RAB3A: variants seen among roughly 807,000 people sequenced by gnomAD.
The protein encoded by RAB3A is RAB3A, member RAS oncogene family, also known as ras-related protein Rab-3A.
In RAB3A, 5 loss-of-function variants were observed where a neutral mutation model predicts 19.7. The observed-to-expected ratio is 0.25, with a 90% CI of 0.13 to 0.53. The LOEUF (loss-of-function observed/expected upper bound fraction) is 0.53, where lower values mean the gene tolerates loss of function less well. Among genes scored for constraint, RAB3A ranks in the 20% least tolerant of loss-of-function variants. The pLI, the probability that RAB3A is intolerant of heterozygous loss-of-function variation, is 0.95. For missense variants in RAB3A, 189 were observed against 305.6 expected (o/e 0.62, Z 2.85); for synonymous variants, 119 against 122.1 (o/e 0.97, Z 0.17).
intron 1 of RAB3A, among the ~76,000 whole-genome samples, chr19:18,203,166 C>T (rs1188955246): frequency 6.6e-6 from 1 of 152,200 alleles, no homozygotes; most frequent in Non-Finnish European, 1.5e-5. Context: ...GCCCCCGCTC[C>T]CCGCAAACCT....
intron 3 of RAB3A, 78 bp from the exon 4 acceptor site, chr19:18,198,927 T>C: frequency 1.3e-6 from 2 of 1,523,412 alleles, no homozygotes; most frequent in Non-Finnish European, 1.8e-6. Flanking sequence ...GTGGAGCCTG[T>C]GTCCTTGTCC....
chr19:18,198,679 G>C (rs373549225), intron 4 of RAB3A, 46 bp downstream of exon 4: 238 of 1,610,102 alleles, frequency 1.5e-4, no homozygotes, highest in Non-Finnish European at 2.0e-4. Flanking sequence ...CTCTCTTAGT[G>C]TCCTTTTTCT....
Position 18,197,240 on chromosome 19 carries a change from G to A in RAB3A, c.*230C>T, listed in dbSNP as rs964396354. Reference sequence around the variant, plus strand: ...GCCACGAGACACCACAGCTGAGTGGGGAAAGGGCTATATGTACAGGAGGGG... The same window carrying A: ...GCCACGAGACACCACAGCTGAGTGGAGAAAGGGCTATATGTACAGGAGGGG... On this transcript the variant is annotated 3_prime_UTR_variant, in exon 5 of 5. Coordinates refer to ENST00000222256, the MANE Select transcript of RAB3A (RefSeq NM_002866.5). 1 of 500,222 alleles carries A rather than the reference G, an allele frequency of 2.0e-6. No homozygotes were observed. Among genetic ancestry groups the A allele is most frequent in the Non-Finnish European group, 3.5e-6 (1 of 286,290 alleles). 31.0% of individuals were successfully genotyped at this position (500,222 alleles called of 1,614,324 possible). A position where few individuals can be genotyped will look rare whatever the true frequency, so the allele number is the denominator to read the frequency against.
Position 18,198,926 on chromosome 19 carries a change from G to C in RAB3A, c.348-77C>G, listed in dbSNP as rs1490349555. The stretch of plus-strand genomic sequence containing the variant: ...ACCCTGACGGGCTGATGTGGAGCCT[G>C]TGTCCTTGTCCGAGGAAGAAAGACC... On this transcript the variant is annotated intron_variant, in intron 3 of 4. Transcript: ENST00000222256. 1.2e-5 allele frequency: 18 copies of C among 1,539,258 alleles called. No individual in the cohort carries two copies. The Admixed American group carries it at 3.3e-4, about 28-fold the overall frequency.
At chr19:18,201,434 A>C (rs1967609946) in intron 2 of RAB3A, among the ~76,000 whole-genome samples, 1 of 151,164 alleles carries the variant, frequency 6.6e-6, no homozygotes, top group African/African-American at 2.4e-5. Flanking sequence ...ATACAAAAAA[A>C]AATTAGCTGG....
chr19:18,202,968 GACACCCC>G lies in RAB3A; in HGVS notation c.1-235_1-229del. ...AGGGGCTCAGAGGGTTGCCGATGGGGACACCCCAGCAGCCCCCTTCAAGGGGCAGGTG... is the reference window on the plus strand; with the variant it reads ...AGGGGCTCAGAGGGTTGCCGATGGGGAGCAGCCCCCTTCAAGGGGCAGGTG... On this transcript the variant is annotated intron_variant, in intron 1 of 4. Coordinates refer to ENST00000222256, the MANE Select transcript of RAB3A (RefSeq NM_002866.5). The surrounding 1 kb of genome is among the most constrained non-coding windows in gnomAD (Gnocchi z 4.2). 1 of 524,602 alleles carries G rather than the reference GACACCCC, an allele frequency of 1.9e-6. No homozygotes were observed. Among genetic ancestry groups the G allele is most frequent in the Middle Eastern group, 5.2e-4 (1 of 1,938 alleles). The allele number at this position is 524,602 out of a possible 1,614,324, so 32.5% of individuals were successfully genotyped here.
intron 2 of RAB3A, 113 bp from the exon 3 acceptor site, chr19:18,200,558 G>T: frequency 2.4e-6 from 2 of 839,244 alleles, no homozygotes; most frequent in Non-Finnish European, 3.8e-6. Flanking sequence ...AGCTTGCCCA[G>T]GGGCACAAAG....
intron 4 of RAB3A, among the ~76,000 whole-genome samples, chr19:18,198,209 C>T (rs1967561061): frequency 6.6e-6 from 1 of 152,148 alleles, no homozygotes; most frequent in South Asian, 2.1e-4. Context: ...CCCTATTGCC[C>T]TCCAAAGAGT....
intron 2 of RAB3A, among the ~76,000 whole-genome samples, chr19:18,201,456 A>G (rs866441457): frequency 3.5e-5 from 5 of 141,026 alleles, no homozygotes; most frequent in African/African-American, 1.1e-4. Flanking sequence ...CTTGGTGGTG[A>G]GCCCCTGTAA....
At chr19:18,198,998 G>A (rs1053137417) in intron 3 of RAB3A, 149 bp from the exon 4 acceptor site, 3 of 1,010,970 alleles carry the variant, frequency 3.0e-6, no homozygotes, top group Non-Finnish European at 4.2e-6. Flanking sequence ...CCCCCAATGT[G>A]CCCCGCTTTC....
At chr19:18,199,672 C>T (rs145217701) in intron 3 of RAB3A, among the ~76,000 whole-genome samples, 172 of 151,986 alleles carry the variant, frequency 1.1e-3, no homozygotes, top group African/African-American at 3.8e-3. Context: ...TACAGGTGTG[C>T]GCCACCACGT....
Position 18,197,197 on chromosome 19 carries a change from G to T in RAB3A, c.*273C>A, listed in dbSNP as rs1331572550. ...GCGGGGGGGGGGGGTTCAGGAGGGT[G>T]AGCGGTGAGTTCACGGGGCCACGAG... On this transcript the variant is annotated 3_prime_UTR_variant, in exon 5 of 5. Coordinates refer to ENST00000222256, the MANE Select transcript of RAB3A (RefSeq NM_002866.5). 9.9e-6 allele frequency: 4 copies of T among 402,822 alleles called. No individual in the cohort carries two copies. The highest frequency in any genetic ancestry group is 1.8e-5 in the Non-Finnish European group (4 of 228,202). The allele number at this position is 402,822 out of a possible 1,614,324, so 25.0% of individuals were successfully genotyped here. A position where few individuals can be genotyped will look rare whatever the true frequency, so the allele number is the denominator to read the frequency against.
chr19:18,200,459 G>C lies in RAB3A; in HGVS notation c.229-14C>G. The C allele has an allele frequency of 1.2e-6, 2 of 1,600,722 alleles. No individual in the cohort carries two copies. Among genetic ancestry groups the C allele is most frequent in the South Asian group, 2.2e-5 (2 of 89,762 alleles). On this transcript the variant is annotated splice_polypyrimidine_tract_variant and intron_variant, in intron 2 of 4. Transcript: ENST00000222256. ...CCCTGCTGTGTCCTAGGGAGGAAGA[G>C]ATGAAGGTCAGAGAGGACCTGCACA...
intron 3 of RAB3A, among the ~76,000 whole-genome samples, chr19:18,200,089 T>C (rs182397268): frequency 2.0e-5 from 3 of 152,162 alleles, no homozygotes; most frequent in Admixed American, 2.0e-4. Flanking sequence ...AAGACCAGCC[T>C]GGGCAACATG....
In RAB3A at chr19:18,202,678, G is replaced by A. The variant is rs767464691; in HGVS notation, c.63C>T (p.Tyr21=). 7 of 1,614,060 alleles carry A rather than the reference G, an allele frequency of 4.3e-6. No homozygotes were observed. The highest frequency in any genetic ancestry group is 1.6e-4 in the Middle Eastern group (1 of 6,084). Residue 21 remains tyrosine (Y), a synonymous_variant, in exon 2 of 5, where the codon TAC becomes TAT. Coordinates refer to ENST00000222256, the MANE Select transcript of RAB3A (RefSeq NM_002866.5). This position sits in a 1 kb window ranked among gnomAD's most constrained non-coding sequence, Gnocchi z 4.2. Reference sequence around the variant, plus strand: ...TGCCGATGATGAGAATCTTGAACATGTAGTCGAAGTTCTGATCCGAGGACT... The same window carrying A: ...TGCCGATGATGAGAATCTTGAACATATAGTCGAAGTTCTGATCCGAGGACT... ...QKESSDQNFD[Y]MFKILIIGNS...
Position 18,200,401 on chromosome 19 carries a change from G to A in RAB3A, c.273C>T (p.Tyr91=). ...GGATGAAGCCCATAGCGCCCCGGTAGTATGCGGTGGTGATGGTCCGGTACC... is the reference window on the plus strand; with the variant it reads ...GGATGAAGCCCATAGCGCCCCGGTAATATGCGGTGGTGATGGTCCGGTACC... ...QERYRTITTA[Y]YRGAMGFILM... The change falls in exon 3 of 5, where the codon TAC becomes TAT. Residue 91 remains tyrosine, a synonymous_variant. Coordinates refer to ENST00000222256, the MANE Select transcript of RAB3A (RefSeq NM_002866.5). 1 of 1,614,106 alleles carries A rather than the reference G, an allele frequency of 6.2e-7. No individual in the cohort carries two copies. The highest frequency in any genetic ancestry group is 2.2e-5 in the East Asian group (1 of 44,882).
intron 3 of RAB3A, among the ~76,000 whole-genome samples, chr19:18,199,730 G>T (rs148713587): frequency 2.0e-5 from 3 of 150,744 alleles, no homozygotes; most frequent in African/African-American, 7.3e-5. Context: ...CTCCATCTTG[G>T]TCAGGCTGGT....
In RAB3A at chr19:18,202,967, G is replaced by T; in HGVS notation, c.1-227C>A. 1 of 523,568 alleles carries T rather than the reference G, an allele frequency of 1.9e-6. No individual in the cohort carries two copies. The highest frequency in any genetic ancestry group is 2.2e-5 in the South Asian group (1 of 45,840). 32.4% of individuals were successfully genotyped at this position (523,568 alleles called of 1,614,324 possible). A position where few individuals can be genotyped will look rare whatever the true frequency, so the allele number is the denominator to read the frequency against. Reference sequence around the variant, plus strand: ...GAGGGGCTCAGAGGGTTGCCGATGGGGACACCCCAGCAGCCCCCTTCAAGG... The same window carrying T: ...GAGGGGCTCAGAGGGTTGCCGATGGTGACACCCCAGCAGCCCCCTTCAAGG... On this transcript the variant is annotated intron_variant, in intron 1 of 4. Transcript: ENST00000222256. The surrounding 1 kb of genome is among the most constrained non-coding windows in gnomAD (Gnocchi z 4.2).
At chr19:18,201,743 C>A (rs1967615576) in intron 2 of RAB3A, among the ~76,000 whole-genome samples, 1 of 152,092 alleles carries the variant, frequency 6.6e-6, no homozygotes, top group Non-Finnish European at 1.5e-5. Flanking sequence ...TAAATGTATC[C>A]TATATTGGAG....
Sources: allele counts gnomAD v4.1 joint callset (sites outside exome capture counted in the v4.1 genomes callset), GRCh38; gene constraint gnomAD v4.1.1; non-coding constraint Gnocchi (gnomAD v3.1); transcripts MANE v1.5; gene names NCBI Gene and HGNC (gene_info 2026-07-23, HGNC 2026-07-21).